Variants in DISP1 observed in about 807,000 individuals in gnomAD.
The protein encoded by DISP1 is protein dispatched homolog 1.
DISP1 carries 30 observed loss-of-function variants against 37.3 expected under a neutral mutation model. That is an observed-to-expected ratio of 0.80 (90% CI 0.60 to 1.09). The LOEUF is 1.09. Among genes scored for constraint, DISP1 ranks in the 50% least tolerant of loss-of-function variants. The probability of loss-of-function intolerance (pLI) is 0.00; values close to 1 mark genes in which losing one functional copy is unlikely to be tolerated. For missense variants in DISP1, 1,598 were observed against 1,879.5 expected (o/e 0.85, Z 2.77); for synonymous variants, 634 against 690.2 (o/e 0.92, Z 1.28).
At chr1:222,954,341 T>G (rs1489399497) in intron 3 of DISP1, among the ~76,000 whole-genome samples, 2 of 152,226 alleles carry the variant, frequency 1.3e-5, no homozygotes, top group African/African-American at 4.8e-5. Flanking sequence ...ATTGTCTTTT[T>G]AAAACACAAA....
chr1:222,864,802 C>A (rs534808527), intron 1 of DISP1, among the ~76,000 whole-genome samples: 5 of 152,262 alleles, frequency 3.3e-5, no homozygotes, highest in African/African-American at 7.2e-5. Flanking sequence ...TTCACTGCTG[C>A]TTGTTATTAA....
At chr1:222,819,769 G>C (rs1662327653) in intron 1 of DISP1, among the ~76,000 whole-genome samples, 2 of 152,016 alleles carry the variant, frequency 1.3e-5, no homozygotes, top group South Asian at 4.1e-4. Flanking sequence ...TTGAACTCTT[G>C]ACCTCAAGTG....
chr1:222,875,240 G>C (rs187481334), intron 1 of DISP1, among the ~76,000 whole-genome samples: 19 of 152,094 alleles, frequency 1.2e-4, no homozygotes, highest in Admixed American at 8.5e-4. Flanking sequence ...TTGAACCCAG[G>C]AGGCGGAGGT....
intron 1 of DISP1, among the ~76,000 whole-genome samples, chr1:222,912,866 A>G (rs550759686): frequency 4.5e-4 from 68 of 152,346 alleles, no homozygotes; most frequent in African/African-American, 1.4e-3. Flanking sequence ...GAAAAATGGC[A>G]GAGTGATAGG....
At position 223,003,206 on chromosome 1, in the gene DISP1, C is replaced by T. The variant is rs751940938; in HGVS notation, c.1809C>T (p.His603=). 162 of 1,614,226 alleles carry T rather than the reference C, an allele frequency of 1.0e-4. 1 individual carries two copies. The highest frequency in any genetic ancestry group is 4.7e-4 in the South Asian group (43 of 91,080). ...AAACAGTAAGCATCACCTTGCAGCA[C>T]GCTGCCCTCTCCATGTTCGTCACCA... ...TSETVSITLQ[H]AALSMFVTSF... is the part of the protein sequence containing the mutation. Residue 603 remains histidine (H), a synonymous_variant, in exon 9 of 9, where the codon CAC becomes CAT. Coordinates refer to ENST00000675850, the MANE Select transcript of DISP1 (RefSeq NM_001377229.1). The surrounding 1 kb of genome is among the most constrained non-coding windows in gnomAD (Gnocchi z 4.3).
intron 4 of DISP1, among the ~76,000 whole-genome samples, chr1:222,989,088 AAAGTT>A (rs148590317): frequency 0.023 from 3,557 of 152,344 alleles, 137 homozygotes; most frequent in African/African-American, 0.081. Flanking sequence ...CCAGATCAAT[AAAGTT>A]AAGACATCAG....
chr1:222,861,206 AG>A (rs1477882213), intron 1 of DISP1, among the ~76,000 whole-genome samples: 35 of 152,138 alleles, frequency 2.3e-4, no homozygotes, highest in African/African-American at 8.2e-4. Flanking sequence ...TGGAATACTT[AG>A]CCTGTAAGTT....
intron 1 of DISP1, among the ~76,000 whole-genome samples, chr1:222,825,491 C>T (rs1664110587): frequency 6.7e-6 from 1 of 149,292 alleles, no homozygotes; most frequent in Non-Finnish European, 1.5e-5. Flanking sequence ...TTGGAATAAC[C>T]TGTTTCTCTT....
intron 3 of DISP1, among the ~76,000 whole-genome samples, chr1:222,956,397 A>G (rs1213256270): frequency 6.6e-6 from 1 of 152,226 alleles, no homozygotes; most frequent in South Asian, 2.1e-4. Context: ...AAGAAATCAG[A>G]TTAATGACTG....
chr1:222,926,122 C>T (rs1673071244), intron 1 of DISP1, among the ~76,000 whole-genome samples: 1 of 152,150 alleles, frequency 6.6e-6, no homozygotes, highest in African/African-American at 2.4e-5. Context: ...CACTAACCTA[C>T]ATTTTGTCTC....
chr1:222,906,330 T>C (rs907024587), intron 1 of DISP1, among the ~76,000 whole-genome samples: 2 of 152,208 alleles, frequency 1.3e-5, no homozygotes, highest in Non-Finnish European at 2.9e-5. Context: ...AACTTTTTCT[T>C]GTTTGAACAA....
intron 1 of DISP1, among the ~76,000 whole-genome samples, chr1:222,911,737 G>T (rs948864264): frequency 1.3e-5 from 2 of 151,982 alleles, no homozygotes; most frequent in African/African-American, 4.8e-5. Flanking sequence ...TTGCTATGTT[G>T]CCAAGGCTGA....
rs1055612586 is a variant in DISP1 at position 222,942,890 on chromosome 1, G to C, written c.67G>C (p.Ala23Pro). 2 of 1,614,158 alleles carry C rather than the reference G, an allele frequency of 1.2e-6. No individual in the cohort carries two copies. Among genetic ancestry groups the C allele is most frequent in the African/African-American group, 1.3e-5 (1 of 75,038 alleles). Residue 23 changes from alanine to proline, a missense_variant, in exon 3 of 9, where the codon GCT becomes CCT. Physicochemically the swap from Ala to Pro is conservative, Grantham distance 27. Transcript: ENST00000675850. Reference protein sequence around the residue: ...LSNSSIATSAANPSPLTPCDG... With the variant: ...LSNSSIATSAPNPSPLTPCDG... ...CAACAGCAGCATCGCAACCAGTGCT[G>C]CTAACCCGAGTCCCCTCACCCCCTG...
rs1039246234 is a variant in DISP1, at chr1:222,942,930, C to T, written c.107C>T (p.Ala36Val). 9.9e-6 allele frequency: 16 copies of T among 1,614,042 alleles called. No homozygotes were observed. Among genetic ancestry groups the T allele is most frequent in the Middle Eastern group, 1.6e-4 (1 of 6,084 alleles). ...SPLTPCDGDH[A>V]AQQLTPKEAT... ...CTCACCCCCTGTGATGGAGACCATG[C>T]AGCCCAGCAGCTCACACCCAAAGAA... The change falls in exon 3 of 9, where the codon GCA becomes GTA. Residue 36 changes from alanine (A) to valine (V), a missense_variant. Coordinates refer to ENST00000675850, the MANE Select transcript of DISP1 (RefSeq NM_001377229.1).
intron 1 of DISP1, among the ~76,000 whole-genome samples, chr1:222,885,372 A>G (rs2125374969): frequency 6.6e-6 from 1 of 151,776 alleles, no homozygotes; most frequent in Non-Finnish European, 1.5e-5. Flanking sequence ...CATGTTTTTG[A>G]GCACTTCCAT....
intron 2 of DISP1, among the ~76,000 whole-genome samples, chr1:222,940,533 T>G (rs1249092543): frequency 1.3e-5 from 2 of 152,156 alleles, no homozygotes; most frequent in Non-Finnish European, 2.9e-5. Flanking sequence ...AACTTTTAAG[T>G]CATTTGTTGT....
intron 8 of DISP1, 87 bp from the exon 9 acceptor site, chr1:223,002,298 A>G (rs1444381481): frequency 8.1e-7 from 1 of 1,229,814 alleles, no homozygotes; most frequent in African/African-American, 1.5e-5. Context: ...CTGTCCCTCA[A>G]GATCACCTTA....
chr1:222,881,751 G>A (rs1434430452), intron 1 of DISP1, among the ~76,000 whole-genome samples: 1 of 152,118 alleles, frequency 6.6e-6, no homozygotes, highest in Non-Finnish European at 1.5e-5. Context: ...ATTTTTACGG[G>A]TCATTTTTGC....
intron 8 of DISP1, among the ~76,000 whole-genome samples, chr1:223,000,355 G>T (rs1679347365): frequency 6.6e-6 from 1 of 152,128 alleles, no homozygotes; most frequent in South Asian, 2.1e-4. Flanking sequence ...TCCTGTTGTT[G>T]GGTGGTTCAG....
Sources: allele counts gnomAD v4.1 joint callset (sites outside exome capture counted in the v4.1 genomes callset), GRCh38; gene constraint gnomAD v4.1.1; non-coding constraint Gnocchi (gnomAD v3.1); transcripts MANE v1.5; gene names NCBI Gene and HGNC (gene_info 2026-07-23, HGNC 2026-07-21).